Variants in DOCK8 observed in about 807,000 individuals in gnomAD.
DOCK8 encodes the protein dedicator of cytokinesis 8.
DOCK8 carries 141 observed loss-of-function variants against 245.6 expected under a neutral mutation model. The ratio of observed to expected loss-of-function variants is 0.57; its 90% CI spans 0.50 to 0.66. The LOEUF (loss-of-function observed/expected upper bound fraction) is 0.66, where lower values mean the gene tolerates loss of function less well. Ranked by LOEUF, DOCK8 falls within the 30% of genes least tolerant of loss-of-function variation. The probability of loss-of-function intolerance (pLI) is 0.00; values close to 1 mark genes in which losing one functional copy is unlikely to be tolerated. For synonymous variants in DOCK8, 1,168 were observed against 970.2 expected, an observed-to-expected ratio of 1.20 and a Z score of -3.79; for missense variants, 2,965 against 2,603.4, an observed-to-expected ratio of 1.14 and a Z score of -3.02.
chr9:295,837 A>G (rs895877458), intron 4 of DOCK8, among the ~76,000 whole-genome samples: 1 of 152,204 alleles, frequency 6.6e-6, no homozygotes, highest in African/African-American at 2.4e-5. Context: ...TCCCACCCTC[A>G]TCATTCTACA....
At chr9:462,917 C>G (rs114256779) in intron 46 of DOCK8, among the ~76,000 whole-genome samples, 311 of 152,250 alleles carry the variant, frequency 2.0e-3, no homozygotes, top group African/African-American at 7.1e-3. Context: ...GGGCAAGCAT[C>G]CTAACATTTC....
intron 14 of DOCK8, among the ~76,000 whole-genome samples, chr9:363,516 C>T (rs963591707): frequency 7.9e-5 from 12 of 152,142 alleles, no homozygotes; most frequent in Non-Finnish European, 8.8e-5. Flanking sequence ...CTCTTGTATT[C>T]GTTTCTTTAA....
chr9:384,701 G>A (rs1017023632), intron 22 of DOCK8, among the ~76,000 whole-genome samples: 9 of 152,178 alleles, frequency 5.9e-5, no homozygotes, highest in African/African-American at 1.9e-4. Flanking sequence ...CAGATCACGA[G>A]GTCAGGAGAT....
At chr9:462,804 T>C (rs1444744960) in intron 46 of DOCK8, among the ~76,000 whole-genome samples, 1 of 152,244 alleles carries the variant, frequency 6.6e-6, no homozygotes, top group African/African-American at 2.4e-5. Flanking sequence ...TCTGCCATGT[T>C]GCTGTAAATC....
At chr9:447,926 A>G (rs770163716) in intron 44 of DOCK8, among the ~76,000 whole-genome samples, 4 of 152,172 alleles carry the variant, frequency 2.6e-5, no homozygotes, top group South Asian at 4.1e-4. Context: ...TGTACTTCCT[A>G]TACTTCTTGG....
rs114752972 is a variant in DOCK8 at position 252,146 on chromosome 9, G to C, written c.54-19481G>C. ...ATGCCACCATGCCCGGCTAATTTTT[G>C]TACTTTTAACATAGACGGGGGTCTC... On this transcript the variant is annotated intron_variant, in intron 1 of 47. Coordinates refer to ENST00000432829, the MANE Select transcript of DOCK8 (RefSeq NM_203447.4). Among the ~76,000 whole-genome samples the C allele has an allele frequency of 7.3e-3, 1,106 of 151,790 alleles. 7 individuals carry two copies. The highest frequency in any genetic ancestry group is 0.024 in the African/African-American group (1,011 of 41,408).
chr9:453,699 T>G (rs530143563), intron 46 of DOCK8, among the ~76,000 whole-genome samples: 4 of 152,326 alleles, frequency 2.6e-5, no homozygotes, highest in African/African-American at 9.6e-5. Context: ...AGTGCTGGGA[T>G]TACAGGCATA....
At chr9:255,668 CAAAAAAAAAAAAAA>C (rs71317282) in intron 1 of DOCK8, among the ~76,000 whole-genome samples, 1 of 23,504 alleles carries the variant, frequency 4.3e-5, no homozygotes, top group Non-Finnish European at 7.6e-5. Flanking sequence ...ACTCCATCTC[CAAAAAAAAAAAAAA>C]AAAAAAAAAA....
chr9:219,648 G>A (rs113472272), intron 1 of DOCK8, among the ~76,000 whole-genome samples: 116 of 152,218 alleles, frequency 7.6e-4, no homozygotes, highest in African/African-American at 2.6e-3. Flanking sequence ...TGTAACCCTA[G>A]CACTTTGGGA....
In DOCK8 at chr9:382,605, G is replaced by T; in HGVS notation, c.2698G>T (p.Val900Leu). ...AVSSKLLQARVMSSSNPDLAG... is the reference protein window; with the variant it reads ...AVSSKLLQARLMSSSNPDLAG... Reference sequence around the variant, plus strand: ...GAGTTCAAAGCTGCTGCAGGCCCGGGTGATGAGCAGCAGTAACCCAGACCT... The same window carrying T: ...GAGTTCAAAGCTGCTGCAGGCCCGGTTGATGAGCAGCAGTAACCCAGACCT... The change falls in exon 22 of 48, where the codon GTG (valine) becomes TTG (leucine). Residue 900 changes from valine (V) to leucine (L), a missense_variant. Transcript: ENST00000432829. The T allele has an allele frequency of 6.2e-7, 1 of 1,614,160 alleles. No homozygotes were observed. Among genetic ancestry groups the T allele is most frequent in the Middle Eastern group, 1.6e-4 (1 of 6,062 alleles).
At chr9:422,248 A>G in intron 33 of DOCK8, 113 bp downstream of exon 33, 2 of 880,130 alleles carry the variant, frequency 2.3e-6, no homozygotes, top group Non-Finnish European at 3.8e-6. Flanking sequence ...AAAATGAAAC[A>G]TCATTATCTG....
At chr9:305,894 T>C (rs2049804273) in intron 5 of DOCK8, among the ~76,000 whole-genome samples, 1 of 152,064 alleles carries the variant, frequency 6.6e-6, no homozygotes, top group Non-Finnish European at 1.5e-5. Flanking sequence ...CCATCCATAA[T>C]GAATGGATAA....
chr9:220,540 A>T, intron 1 of DOCK8, among the ~76,000 whole-genome samples: 1 of 152,126 alleles, frequency 6.6e-6, no homozygotes, highest in East Asian at 1.9e-4. Context: ...TCTTTAAGGG[A>T]CCGTGAGAAG....
At chr9:431,935 A>G (rs1206309547) in intron 36 of DOCK8, among the ~76,000 whole-genome samples, 1 of 152,236 alleles carries the variant, frequency 6.6e-6, no homozygotes, top group Non-Finnish European at 1.5e-5. Flanking sequence ...ATGAAAATTT[A>G]AAGGGAGCCT....
At chr9:344,482 G>A (rs965644946) in intron 14 of DOCK8, among the ~76,000 whole-genome samples, 4 of 151,966 alleles carry the variant, frequency 2.6e-5, no homozygotes, top group African/African-American at 7.3e-5. Flanking sequence ...CCCCATTCAC[G>A]ACATGGAAAT....
At chr9:344,710 G>A (rs1044674308) in intron 14 of DOCK8, among the ~76,000 whole-genome samples, 1 of 152,084 alleles carries the variant, frequency 6.6e-6, no homozygotes, top group Non-Finnish European at 1.5e-5. Context: ...CATTTGCTAT[G>A]GTATTGATAA....
At chr9:400,203 CA>C (rs2054782822) in intron 26 of DOCK8, among the ~76,000 whole-genome samples, 1 of 124,302 alleles carries the variant, frequency 8.0e-6, no homozygotes, top group African/African-American at 3.1e-5. Context: ...TCACCATCAC[CA>C]CCACCTCCAC....
chr9:349,688 C>T (rs1325899213), intron 14 of DOCK8, among the ~76,000 whole-genome samples: 1 of 152,202 alleles, frequency 6.6e-6, no homozygotes, highest in Non-Finnish European at 1.5e-5. Context: ...TTCTGTCAAT[C>T]AGCTCACAGG....
intron 5 of DOCK8, 48 bp downstream of exon 5, chr9:304,752 C>T (rs775701361): frequency 6.2e-7 from 1 of 1,613,540 alleles, no homozygotes; most frequent in East Asian, 2.2e-5. Flanking sequence ...GGCTCTTCTG[C>T]CCAGGGCATG....
Sources: allele counts gnomAD v4.1 joint callset (sites outside exome capture counted in the v4.1 genomes callset), GRCh38; gene constraint gnomAD v4.1.1; transcripts MANE v1.5; gene names NCBI Gene and HGNC (gene_info 2026-07-23, HGNC 2026-07-21).